UHRF1: variants seen among roughly 807,000 people sequenced by gnomAD.
UHRF1 encodes the protein E3 ubiquitin-protein ligase UHRF1.
In UHRF1, 9 loss-of-function variants were observed where a neutral mutation model predicts 96.5. That is an observed-to-expected ratio of 0.09 (90% CI 0.06 to 0.16). The LOEUF (loss-of-function observed/expected upper bound fraction) is 0.16. UHRF1 is among the 10% of genes least tolerant of loss of function. The probability of loss-of-function intolerance (pLI) is 1.00; values close to 1 mark genes in which losing one functional copy is unlikely to be tolerated. For missense variants in UHRF1, 626 were observed against 1,131.1 expected (o/e 0.55, Z 6.40); for synonymous variants, 455 against 469.9 (o/e 0.97, Z 0.41).
chr19:4,959,465 C>T (rs1049023293), intron 16 of UHRF1, among the ~76,000 whole-genome samples: 5 of 152,176 alleles, frequency 3.3e-5, no homozygotes, highest in Admixed American at 6.5e-5. Context: ...GTGCCCCCTG[C>T]GTAGGCATCT....
upstream of UHRF1, chr19:4,909,436 G>GC: frequency 1.5e-6 from 1 of 651,414 alleles, no homozygotes; most frequent in Non-Finnish European, 2.8e-6. Context: ...GCAGGCGCCC[G>GC]CCCCCGGCAC....
chr19:4,953,677 G>C (rs1568183245), intron 13 of UHRF1, among the ~76,000 whole-genome samples: 1 of 152,020 alleles, frequency 6.6e-6, no homozygotes, highest in South Asian at 2.1e-4. Flanking sequence ...TGTTGCCCAG[G>C]CTGGTCTCAA....
intron 2 of UHRF1, among the ~76,000 whole-genome samples, chr19:4,919,224 A>G (rs1240002652): frequency 6.6e-6 from 1 of 151,140 alleles, no homozygotes; most frequent in African/African-American, 2.4e-5. Context: ...CAACTCCTGG[A>G]CTCAAGTGAT....
chr19:4,936,836 C>T (rs73534662), intron 5 of UHRF1, among the ~76,000 whole-genome samples: 1 of 148,024 alleles, frequency 6.8e-6, no homozygotes, highest in Non-Finnish European at 1.5e-5. Flanking sequence ...GAAAAAAAAA[C>T]AGGCTGTGTA....
chr19:4,914,333 A>G (rs965878721), intron 2 of UHRF1, among the ~76,000 whole-genome samples: 1 of 152,132 alleles, frequency 6.6e-6, no homozygotes, highest in Non-Finnish European at 1.5e-5. Context: ...ATAGAAAGCA[A>G]CACAGTTCCC....
upstream of UHRF1, among the ~76,000 whole-genome samples, chr19:4,905,954 T>A (rs978798686): frequency 6.6e-6 from 1 of 152,210 alleles, no homozygotes; most frequent in Non-Finnish European, 1.5e-5. Flanking sequence ...TTGTTACTCA[T>A]GTTTTTAAAT....
At position 4,945,979 on chromosome 19, in the gene UHRF1, T is replaced by A; in HGVS notation, c.1410+14T>A. The A allele has an allele frequency of 1.7e-6, 1 of 576,932 alleles. No homozygotes were observed. The highest frequency in any genetic ancestry group is 2.8e-6 in the Non-Finnish European group (1 of 358,746). 35.7% of individuals were successfully genotyped at this position (576,932 alleles called of 1,614,324 possible). A position where few individuals can be genotyped will look rare whatever the true frequency, so the allele number is the denominator to read the frequency against. On this transcript the variant is annotated intron_variant, in intron 10 of 16. Coordinates refer to ENST00000650932, the MANE Select transcript of UHRF1 (RefSeq NM_001048201.3). ...GAGGATGATGTGGTGAGTGTGTGTG[T>A]GGGAGGGGTGGGGGAGGGTTGCTCT...
At chr19:4,951,110 A>G (rs2033706529) in intron 13 of UHRF1, 114 bp downstream of exon 13, 1 of 1,365,568 alleles carries the variant, frequency 7.3e-7, no homozygotes, top group African/African-American at 1.5e-5. Context: ...TACTAAAAAT[A>G]CAAAAATTAG....
At chr19:4,909,827 A>C in intron 1 of UHRF1, 172 bp downstream of exon 1, 4 of 402,952 alleles carry the variant, frequency 9.9e-6, no homozygotes, top group East Asian at 3.8e-5. Context: ...CCCGGCACAC[A>C]TCCGGCTGGA....
intron 2 of UHRF1, among the ~76,000 whole-genome samples, chr19:4,913,976 T>C (rs140873378): frequency 2.2e-4 from 34 of 151,986 alleles, no homozygotes; most frequent in Admixed American, 4.6e-4. Context: ...CATGCGCAGC[T>C]AATTTTTTTT....
At chr19:4,905,398 T>C (rs1568401550), upstream of UHRF1, among the ~76,000 whole-genome samples, 1 of 151,206 alleles carries the variant, frequency 6.6e-6, no homozygotes, top group African/African-American at 2.4e-5. Context: ...GGATTACAGG[T>C]GTGAGCCACC....
rs77046863 is a variant in UHRF1, at chr19:4,932,725, C to T, written c.570-16C>T. The T allele has an allele frequency of 6.1e-3, 9,880 of 1,612,972 alleles. 42 individuals are homozygous for T. Among genetic ancestry groups the T allele is most frequent in the Non-Finnish European group, 7.8e-3 (9,245 of 1,179,348 alleles). On this transcript the variant is annotated splice_polypyrimidine_tract_variant and intron_variant, in intron 4 of 16. Transcript: ENST00000650932. ...TGGTCTTAGCACGGGGTCTAAGGCC[C>T]GGGCTTTCCTCCCAGCTACCCGGAG...
chr19:4,954,889 T>C lies in UHRF1; in HGVS notation c.2130+67T>C. ...CTGCGGTAAAATGTGTGGGGCTTGTTTCCCATGTTCCCCATTTTCAAGTGT... is the reference window on the plus strand; with the variant it reads ...CTGCGGTAAAATGTGTGGGGCTTGTCTCCCATGTTCCCCATTTTCAAGTGT... On this transcript the variant is annotated intron_variant, in intron 15 of 16. Transcript: ENST00000650932. This position sits in a 1 kb window ranked among gnomAD's most constrained non-coding sequence, Gnocchi z 5.9. The C allele has an allele frequency of 1.3e-6, 2 of 1,572,644 alleles. No homozygotes were observed. Among genetic ancestry groups the C allele is most frequent in the Admixed American group, 1.8e-5 (1 of 56,682 alleles).
chr19:4,929,285 G>C lies in UHRF1; in HGVS notation c.217G>C (p.Val73Leu). The stretch of plus-strand genomic sequence containing the variant: ...CCTGAATGACACCATCCAGCTCCTG[G>C]TCCGCCAGAGCCTCGTGCTCCCCCA... ...VRLNDTIQLL[V>L]RQSLVLPHST... is the part of the protein sequence containing the mutation. Residue 73 changes from valine to leucine, a missense_variant, in exon 3 of 17, where the codon GTC (valine) becomes CTC (leucine). Coordinates refer to ENST00000650932, the MANE Select transcript of UHRF1 (RefSeq NM_001048201.3). The C allele has an allele frequency of 1.2e-6, 2 of 1,613,888 alleles. No individual in the cohort carries two copies. Among genetic ancestry groups the C allele is most frequent in the Non-Finnish European group, 8.5e-7 (1 of 1,179,890 alleles).
At position 4,954,586 on chromosome 19, in the gene UHRF1, G is replaced by T; in HGVS notation, c.1958-64G>T. On this transcript the variant is annotated intron_variant, in intron 14 of 16. Coordinates refer to ENST00000650932, the MANE Select transcript of UHRF1 (RefSeq NM_001048201.3). This position sits in a 1 kb window ranked among gnomAD's most constrained non-coding sequence, Gnocchi z 5.9. The stretch of plus-strand genomic sequence containing the variant: ...TTGAGGTCGTGTGGACGTGGGAGCC[G>T]GTGGCTGTCTCTCCGGCAGCTCGGG... 1 of 1,591,594 alleles carries T rather than the reference G, an allele frequency of 6.3e-7. No homozygotes were observed. Among genetic ancestry groups the T allele is most frequent in the Non-Finnish European group, 8.6e-7 (1 of 1,167,998 alleles).
rs73534642 is a variant in UHRF1, at chr19:4,928,260, C to T, written c.154-962C>T. 7.0e-3 allele frequency among the ~76,000 whole-genome samples: 1,067 copies of T among 151,952 alleles called. 12 individuals are homozygous for T. The highest frequency in any genetic ancestry group is 0.025 in the African/African-American group (1,021 of 41,418). ...CCCAGAGAATGGTCCAGGACCTGGC[C>T]CCAATGTCTGCAGTGCCGGGGGAGA... On this transcript the variant is annotated intron_variant, in intron 2 of 16. Coordinates refer to ENST00000650932, the MANE Select transcript of UHRF1 (RefSeq NM_001048201.3).
intron 10 of UHRF1, 50 bp from the exon 11 acceptor site, chr19:4,947,055 T>G: frequency 6.9e-7 from 1 of 1,440,088 alleles, no homozygotes; most frequent in East Asian, 2.3e-5. Context: ...AGTCTCTTTT[T>G]TTTTTTTTGC....
chr19:4,958,779 C>A (rs1335047668), intron 16 of UHRF1, among the ~76,000 whole-genome samples: 1 of 151,900 alleles, frequency 6.6e-6, no homozygotes, highest in Admixed American at 6.6e-5. Flanking sequence ...TGAGACCAGC[C>A]CGGGCAACAT....
intron 15 of UHRF1, 86 bp from the exon 16 acceptor site, chr19:4,956,623 C>T (rs1438925328): frequency 3.7e-6 from 3 of 818,568 alleles, no homozygotes; most frequent in African/African-American, 3.4e-5. Context: ...ATTAGAGGAC[C>T]CAGGTACATG....
Sources: allele counts gnomAD v4.1 joint callset (sites outside exome capture counted in the v4.1 genomes callset), GRCh38; gene constraint gnomAD v4.1.1; non-coding constraint Gnocchi (gnomAD v3.1); transcripts MANE v1.5; gene names NCBI Gene and HGNC (gene_info 2026-07-23, HGNC 2026-07-21).